PCSK2: variants seen among roughly 807,000 people sequenced by gnomAD.
The protein encoded by PCSK2 is neuroendocrine convertase 2.
PCSK2 carries 14 observed loss-of-function variants against 69.7 expected under a neutral mutation model. That is an observed-to-expected ratio of 0.20 (90% CI 0.13 to 0.31). PCSK2 has a LOEUF of 0.31. Among genes scored for constraint, PCSK2 ranks in the 10% least tolerant of loss-of-function variants. The pLI is 1.00. For synonymous variants in PCSK2, 307 were observed against 320.7 expected (o/e 0.96, Z 0.46); for missense variants, 544 against 842.5 (o/e 0.65, Z 4.39).
intron 10 of PCSK2, among the ~76,000 whole-genome samples, chr20:17,461,706 G>A (rs1252719156): frequency 6.6e-6 from 1 of 152,172 alleles, no homozygotes; most frequent in East Asian, 1.9e-4. Flanking sequence ...TGGGTTCAGG[G>A]GAACTTGATG....
chr20:17,339,173 C>T (rs1990438143), intron 2 of PCSK2, among the ~76,000 whole-genome samples: 1 of 152,190 alleles, frequency 6.6e-6, no homozygotes, highest in Admixed American at 6.5e-5. Flanking sequence ...TGAAACGAGA[C>T]ACGATGCAGC....
intron 2 of PCSK2, among the ~76,000 whole-genome samples, chr20:17,323,995 A>G (rs1265357643): frequency 6.6e-6 from 1 of 152,082 alleles, no homozygotes; most frequent in Non-Finnish European, 1.5e-5. Flanking sequence ...GCCCTCAACC[A>G]ATGATTGATG....
At chr20:17,303,210 A>G (rs1012657649) in intron 2 of PCSK2, among the ~76,000 whole-genome samples, 3 of 143,364 alleles carry the variant, frequency 2.1e-5, no homozygotes, top group East Asian at 4.0e-4. Context: ...TTATTATAAT[A>G]TAACCATACA....
chr20:17,258,472 T>C (rs945691645), intron 1 of PCSK2, among the ~76,000 whole-genome samples: 2 of 152,096 alleles, frequency 1.3e-5, no homozygotes, highest in African/African-American at 4.8e-5. Context: ...AGCATTATCT[T>C]TGAATGTAAA....
At chr20:17,361,358 CTA>C (rs1568618125) in intron 4 of PCSK2, among the ~76,000 whole-genome samples, 3 of 152,066 alleles carry the variant, frequency 2.0e-5, no homozygotes, top group Non-Finnish European at 4.4e-5. Context: ...GCTTCATTTT[CTA>C]TAGTTTGTGA....
At chr20:17,254,375 G>T (rs558478563) in intron 1 of PCSK2, among the ~76,000 whole-genome samples, 1 of 152,038 alleles carries the variant, frequency 6.6e-6, no homozygotes. Context: ...TTTTGCATGT[G>T]GTATGAGATA....
At chr20:17,304,873 T>TCC (rs1401990773) in intron 2 of PCSK2, among the ~76,000 whole-genome samples, 23 of 152,228 alleles carry the variant, frequency 1.5e-4, no homozygotes, top group African/African-American at 5.5e-4. Flanking sequence ...AAGAATATAG[T>TCC]TAAAAGCAAT....
intron 11 of PCSK2, among the ~76,000 whole-genome samples, chr20:17,473,349 G>A (rs1487436181): frequency 6.6e-6 from 1 of 152,002 alleles, no homozygotes. Context: ...CCTCGGCCTC[G>A]CAAAGTGCTG....
intron 2 of PCSK2, among the ~76,000 whole-genome samples, chr20:17,325,447 A>G (rs1034660577): frequency 2.0e-5 from 3 of 152,204 alleles, no homozygotes; most frequent in Admixed American, 1.3e-4. Flanking sequence ...AAATAACCCA[A>G]TGGGGCGTGT....
intron 2 of PCSK2, among the ~76,000 whole-genome samples, chr20:17,295,914 C>T (rs1233044168): frequency 6.6e-6 from 1 of 152,164 alleles, no homozygotes; most frequent in African/African-American, 2.4e-5. Flanking sequence ...GGCCTGCACC[C>T]AGCCCCTCCT....
intron 2 of PCSK2, among the ~76,000 whole-genome samples, chr20:17,326,298 A>G (rs1444359964): frequency 1.3e-5 from 2 of 152,264 alleles, no homozygotes; most frequent in Non-Finnish European, 2.9e-5. Flanking sequence ...AAAAGCTGTC[A>G]GAGACAGTAC....
chr20:17,468,784 G>A (rs1382805501), intron 11 of PCSK2, among the ~76,000 whole-genome samples: 1 of 151,674 alleles, frequency 6.6e-6, no homozygotes, highest in Non-Finnish European at 1.5e-5. Context: ...CCAGCATCCT[G>A]CTATAGACGG....
intron 5 of PCSK2, among the ~76,000 whole-genome samples, chr20:17,388,165 T>G (rs890025291): frequency 2.0e-5 from 3 of 151,890 alleles, no homozygotes; most frequent in Non-Finnish European, 4.4e-5. Context: ...AAATATGGCA[T>G]GAGATGACAT....
chr20:17,378,821 G>T (rs1369565494), intron 5 of PCSK2, among the ~76,000 whole-genome samples: 1 of 152,184 alleles, frequency 6.6e-6, no homozygotes, highest in African/African-American at 2.4e-5. Context: ...TTACTGATAA[G>T]CCACAAGAAA....
chr20:17,402,222 A>G (rs1368903412), intron 5 of PCSK2, among the ~76,000 whole-genome samples: 2 of 152,342 alleles, frequency 1.3e-5, no homozygotes, highest in Middle Eastern at 3.4e-3. Flanking sequence ...AACAACTTTG[A>G]AAAAGATAAA....
At chr20:17,236,387 G>C (rs1443918354) in intron 1 of PCSK2, among the ~76,000 whole-genome samples, 1 of 152,056 alleles carries the variant, frequency 6.6e-6, no homozygotes, top group African/African-American at 2.4e-5. Flanking sequence ...ATACATGGTA[G>C]ATAGGTTACA....
At chr20:17,228,949 C>A (rs563370582) in intron 1 of PCSK2, among the ~76,000 whole-genome samples, 1 of 152,140 alleles carries the variant, frequency 6.6e-6, no homozygotes, top group Non-Finnish European at 1.5e-5. Flanking sequence ...AGGGAGCACC[C>A]CGCTGTGGTT....
chr20:17,283,511 T>G (rs1379061933), intron 2 of PCSK2, among the ~76,000 whole-genome samples: 4 of 152,164 alleles, frequency 2.6e-5, no homozygotes, highest in Non-Finnish European at 5.9e-5. Flanking sequence ...TGAGCACACA[T>G]AGAGCTAGAC....
At chr20:17,338,612 A>T (rs1990426357) in intron 2 of PCSK2, among the ~76,000 whole-genome samples, 1 of 152,176 alleles carries the variant, frequency 6.6e-6, no homozygotes, top group African/African-American at 2.4e-5. Context: ...TTTTTCTTTG[A>T]CATAAAACTT....
Sources: allele counts gnomAD v4.1 joint callset (sites outside exome capture counted in the v4.1 genomes callset), GRCh38; gene constraint gnomAD v4.1.1; transcripts MANE v1.5; gene names NCBI Gene and HGNC (gene_info 2026-07-23, HGNC 2026-07-21).